Variants in SDK2 observed in about 807,000 individuals in gnomAD.
SDK2 encodes the protein protein sidekick-2.
In SDK2, 105 loss-of-function variants were observed where a neutral mutation model predicts 253.9. The ratio of observed to expected loss-of-function variants is 0.41; its 90% CI spans 0.35 to 0.49. The LOEUF (loss-of-function observed/expected upper bound fraction) is 0.49. SDK2 is among the 20% of genes least tolerant of loss of function. The pLI is 0.06. For synonymous variants in SDK2, 1,249 were observed against 1,234.9 expected, an observed-to-expected ratio of 1.01 and a Z score of -0.24; for missense variants, 2,608 against 3,003.0, an observed-to-expected ratio of 0.87 and a Z score of 3.07.
Position 73,350,714 on chromosome 17 carries a change from C to T in SDK2, c.5835G>A (p.Leu1945=). ...GGATGATGAGCACGAAGACCAGAAG[C>T]AGGATGAAGATGAGGCCGACCAGGG... The part of the protein sequence containing the change: ...VIALVGLIFI[L]LLVFVLIIRG... Residue 1945 remains leucine (L), a synonymous_variant, in exon 42 of 45, where the codon CTG becomes CTA. Coordinates refer to ENST00000392650, the MANE Select transcript of SDK2 (RefSeq NM_001144952.2). 6.2e-7 allele frequency: 1 copy of T among 1,613,806 alleles called. No homozygotes were observed. The highest frequency in any genetic ancestry group is 1.3e-5 in the African/African-American group (1 of 75,006).
At position 73,335,804 on chromosome 17, in the gene SDK2, A is replaced by G. The variant is rs1056866288; in HGVS notation, c.*2783T>C. The G allele has an allele frequency of 6.6e-6, 1 of 152,318 alleles. No individual in the cohort carries two copies. 9.4% of individuals were successfully genotyped at this position (152,318 alleles called of 1,614,324 possible). A position where few individuals can be genotyped will look rare whatever the true frequency, so the allele number is the denominator to read the frequency against. On this transcript the variant is annotated 3_prime_UTR_variant, in exon 45 of 45. Coordinates refer to ENST00000392650, the MANE Select transcript of SDK2 (RefSeq NM_001144952.2). ...TCACAGGGGAGAGATGGCTTCAGCC[A>G]TCAGAGGGAGTTCAGGAGTCTCTTT...
At position 73,431,757 on chromosome 17, in the gene SDK2, C is replaced by T. The variant is rs916859550; in HGVS notation, c.1313-88G>A. Reference sequence around the variant, plus strand: ...GGCCGCTCCAGGGCAGCATGGTCCCCCCACAGGCCCCTGGCTCTGGAAATG... The same window carrying T: ...GGCCGCTCCAGGGCAGCATGGTCCCTCCACAGGCCCCTGGCTCTGGAAATG... On this transcript the variant is annotated intron_variant, in intron 10 of 44. Transcript: ENST00000392650. The surrounding 1 kb of genome is among the most constrained non-coding windows in gnomAD (Gnocchi z 5.6). The T allele has an allele frequency of 1.1e-5, 14 of 1,330,076 alleles. No homozygotes were observed. Among genetic ancestry groups the T allele is most frequent in the African/African-American group, 1.5e-5 (1 of 67,298 alleles). The allele number at this position is 1,330,076 out of a possible 1,614,324, so 82.4% of individuals were successfully genotyped here.
intron 36 of SDK2, among the ~76,000 whole-genome samples, chr17:73,376,332 CACACA>C (rs2062780844): frequency 7.6e-6 from 1 of 132,078 alleles, no homozygotes; most frequent in East Asian, 3.2e-4. Flanking sequence ...CAATGCTGGG[CACACA>C]ATAACTGCTC....
intron 1 of SDK2, among the ~76,000 whole-genome samples, chr17:73,597,168 G>A (rs1433880678): frequency 2.0e-5 from 3 of 152,174 alleles, no homozygotes; most frequent in Non-Finnish European, 4.4e-5. Flanking sequence ...ATGGGTTTTG[G>A]ATATTTTCAT....
In SDK2 at chr17:73,345,948, T is replaced by C. The variant is rs535295373; in HGVS notation, c.6165+2651A>G. On this transcript the variant is annotated intron_variant, in intron 44 of 44. Coordinates refer to ENST00000392650, the MANE Select transcript of SDK2 (RefSeq NM_001144952.2). The stretch of plus-strand genomic sequence containing the variant: ...ACGGCTGGGTGCTGTGGCTCACACC[T>C]GTGATCCCAGCATTTTGTGAGGCCG... Among the ~76,000 whole-genome samples, 7 of 152,298 alleles carry C rather than the reference T, an allele frequency of 4.6e-5. No individual in the cohort carries two copies. In the South Asian group the frequency reaches 1.5e-3, roughly 32 times the overall value.
chr17:73,468,937 A>T (rs2063623739), intron 3 of SDK2, among the ~76,000 whole-genome samples: 1 of 151,136 alleles, frequency 6.6e-6, no homozygotes, highest in Admixed American at 6.6e-5. Context: ...CGATTCTCCC[A>T]CTTCAGCCTC....
chr17:73,537,007 G>A (rs1178367596), intron 1 of SDK2, among the ~76,000 whole-genome samples: 1 of 152,136 alleles, frequency 6.6e-6, no homozygotes, highest in Non-Finnish European at 1.5e-5. Flanking sequence ...TGAGATCTGG[G>A]GTGCAGGAGC....
chr17:73,518,932 T>A (rs986364012), intron 1 of SDK2: 1 of 152,174 alleles, frequency 6.6e-6, no homozygotes, highest in Non-Finnish European at 1.5e-5. Flanking sequence ...GGTGGCTTCA[T>A]GAGACTCAGC....
chr17:73,586,032 G>A (rs1236578218), intron 1 of SDK2, among the ~76,000 whole-genome samples: 1 of 152,154 alleles, frequency 6.6e-6, no homozygotes, highest in East Asian at 1.9e-4. Context: ...AAGATCCTTT[G>A]GGGATGTATG....
intron 1 of SDK2, among the ~76,000 whole-genome samples, chr17:73,537,324 A>T (rs1488241794): frequency 6.6e-6 from 1 of 151,974 alleles, no homozygotes; most frequent in African/African-American, 2.4e-5. Flanking sequence ...ATCAAAGCAG[A>T]TTTCCAATCT....
At chr17:73,391,391 G>T in intron 28 of SDK2, 49 bp downstream of exon 28, 1 of 1,122,634 alleles carries the variant, frequency 8.9e-7, no homozygotes, top group Non-Finnish European at 1.2e-6. Context: ...TGCAGCTCAT[G>T]CCTCTTCCTT....
At position 73,431,666 on chromosome 17, in the gene SDK2, T is replaced by C; in HGVS notation, c.1316A>G (p.Glu439Gly). The change falls in exon 11 of 45, where the codon GAG (glutamate) becomes GGG (glycine). Residue 439 changes from glutamate to glycine, a missense_variant. By Grantham distance (98) the Glu-to-Gly change is moderately conservative. Around this residue, in one of 2 missense-constraint regions of SDK2, gnomAD observed 1,505 missense variants for 1,859.1 expected, o/e 0.81. Transcript: ENST00000392650. This position sits in a 1 kb window ranked among gnomAD's most constrained non-coding sequence, Gnocchi z 5.6. ...PRPAITWQKG[E>G]RILASGSVQL... ...CACAGAGCCACTGGCCAAGATGCGC[T>C]CCCCTGAGGGCAAAACAGGGTGGGG... 1 of 1,605,776 alleles carries C rather than the reference T, an allele frequency of 6.2e-7. No individual in the cohort carries two copies. Among genetic ancestry groups the C allele is most frequent in the Non-Finnish European group, 8.5e-7 (1 of 1,176,060 alleles).
intron 11 of SDK2, 89 bp from the exon 12 acceptor site, chr17:73,430,702 A>G (rs754091168): frequency 2.4e-5 from 20 of 819,550 alleles, no homozygotes; most frequent in East Asian, 3.2e-5. Flanking sequence ...AAAGCCCCCA[A>G]ATGGTTAAAA....
intron 38 of SDK2, among the ~76,000 whole-genome samples, chr17:73,363,230 C>T (rs572406222): frequency 3.1e-4 from 47 of 152,190 alleles, no homozygotes; most frequent in Non-Finnish European, 5.4e-4. Flanking sequence ...CACTACCACA[C>T]CCAGCTAATT....
At position 73,369,269 on chromosome 17, in the gene SDK2, A is replaced by C. The variant is rs1354418234; in HGVS notation, c.4981-676T>G. 2.2e-5 allele frequency: 9 copies of C among 409,460 alleles called. No homozygotes were observed. The Admixed American group carries it at 2.2e-4, about 10-fold the overall frequency. The allele number at this position is 409,460 out of a possible 1,614,324, so 25.4% of individuals were successfully genotyped here. A position where few individuals can be genotyped will look rare whatever the true frequency, so the allele number is the denominator to read the frequency against. Reference sequence around the variant, plus strand: ...AAGGCAGTGTGGAGTCTATCCAGACAGAGTGTGGTGCAAGTGCTGGTGGCC... The same window carrying C: ...AAGGCAGTGTGGAGTCTATCCAGACCGAGTGTGGTGCAAGTGCTGGTGGCC... On this transcript the variant is annotated intron_variant, in intron 36 of 44. Coordinates refer to ENST00000392650, the MANE Select transcript of SDK2 (RefSeq NM_001144952.2).
intron 36 of SDK2, among the ~76,000 whole-genome samples, chr17:73,372,751 A>C (rs1452156652): frequency 2.6e-5 from 4 of 152,054 alleles, no homozygotes; most frequent in Non-Finnish European, 4.4e-5. Flanking sequence ...GAAAAAAACA[A>C]ACAAACAAAA....
At chr17:73,457,172 G>C (rs2063531358) in intron 3 of SDK2, among the ~76,000 whole-genome samples, 1 of 151,994 alleles carries the variant, frequency 6.6e-6, no homozygotes, top group South Asian at 2.1e-4. Flanking sequence ...GATTTCACTG[G>C]CGTGGAGTGT....
In SDK2 at chr17:73,612,154, C is replaced by T. The variant is rs937733932; in HGVS notation, c.64+31871G>A. 6.6e-6 allele frequency among the ~76,000 whole-genome samples: 1 copy of T among 152,214 alleles called. No homozygotes were observed. Among genetic ancestry groups the T allele is most frequent in the South Asian group, 2.1e-4 (1 of 4,832 alleles). ...AATAAACAGCAATTCCTTTCACCCC[C>T]GCTGCAGCCTCTTCAAGCGAGGAAA... On this transcript the variant is annotated intron_variant, in intron 1 of 44. Transcript: ENST00000392650. This position sits in a 1 kb window ranked among gnomAD's most constrained non-coding sequence, Gnocchi z 4.4.
chr17:73,522,614 C>A (rs139993155), intron 1 of SDK2, among the ~76,000 whole-genome samples: 33 of 152,314 alleles, frequency 2.2e-4, no homozygotes, highest in African/African-American at 7.2e-4. Context: ...ACTCTGCTAC[C>A]GCCTCCTGAT....
Sources: allele counts gnomAD v4.1 joint callset (sites outside exome capture counted in the v4.1 genomes callset), GRCh38; gene constraint gnomAD v4.1.1; regional missense constraint gnomAD v4.1.1; non-coding constraint Gnocchi (gnomAD v3.1); transcripts MANE v1.5; gene names NCBI Gene and HGNC (gene_info 2026-07-23, HGNC 2026-07-21).